Variants in RHCE observed in about 807,000 individuals in gnomAD.
The protein encoded by RHCE is Rh blood group CcEe antigens.
RHCE carries 22 observed loss-of-function variants against 43.8 expected under a neutral mutation model. The ratio of observed to expected loss-of-function variants is 0.50; its 90% confidence interval spans 0.36 to 0.72. The LOEUF is 0.72. Among genes scored for constraint, RHCE ranks in the 30% least tolerant of loss-of-function variants. The pLI, the probability that RHCE is intolerant of heterozygous loss-of-function variation, is 0.00. For missense variants in RHCE, 385 were observed against 525.4 expected (o/e 0.73, Z 2.61); for synonymous variants, 156 against 210.7 (o/e 0.74, Z 2.25).
At chr1:25,404,103 G>A (rs903633588) in intron 2 of RHCE, among the ~76,000 whole-genome samples, 2 of 147,650 alleles carry the variant, frequency 1.4e-5, no homozygotes, top group African/African-American at 5.0e-5. Flanking sequence ...GGGAGGCAGA[G>A]GTTGCAGTCA....
upstream of RHCE, among the ~76,000 whole-genome samples, chr1:25,424,045 C>A (rs1162264274): frequency 6.6e-6 from 1 of 152,172 alleles, no homozygotes; most frequent in Non-Finnish European, 1.5e-5. Context: ...TCCCATCCCA[C>A]CACTCCGTCT....
At chr1:25,429,744 T>C (rs531479905) in intron 1 of RHCE, among the ~76,000 whole-genome samples, 19 of 152,292 alleles carry the variant, frequency 1.2e-4, no homozygotes, top group African/African-American at 4.6e-4. Context: ...TGTATTTGTG[T>C]TAATGTGATG....
chr1:25,412,723 A>AT (rs1270292753), intron 1 of RHCE, among the ~76,000 whole-genome samples: 2 of 148,882 alleles, frequency 1.3e-5, no homozygotes, highest in Admixed American at 1.3e-4. Flanking sequence ...TTTAAAAAAA[A>AT]AAAAAAAAAA....
At chr1:25,387,071 A>C (rs1414125092) in intron 6 of RHCE, among the ~76,000 whole-genome samples, 3 of 152,146 alleles carry the variant, frequency 2.0e-5, no homozygotes, top group Non-Finnish European at 4.4e-5. Flanking sequence ...CAGACCCCTC[A>C]ACTAGCCCAG....
At chr1:25,391,733 G>C (rs545012760) in intron 4 of RHCE, among the ~76,000 whole-genome samples, 2 of 152,190 alleles carry the variant, frequency 1.3e-5, no homozygotes, top group African/African-American at 4.8e-5. Context: ...GAAAACAAAG[G>C]GATTGGATAA....
intron 7 of RHCE, among the ~76,000 whole-genome samples, chr1:25,379,450 A>AT (rs1645888914): frequency 2.7e-5 from 2 of 73,334 alleles, no homozygotes; most frequent in African/African-American, 4.6e-5. Context: ...ATAGCACCAA[A>AT]GTATATATAT....
chr1:25,395,608 A>C (rs1409051407), intron 3 of RHCE, among the ~76,000 whole-genome samples: 2 of 152,042 alleles, frequency 1.3e-5, no homozygotes, highest in African/African-American at 4.8e-5. Flanking sequence ...CACCTAAGAA[A>C]GCTCTGGTGA....
chr1:25,427,388 C>T (rs2124558799), intron 2 of RHCE, among the ~76,000 whole-genome samples: 1 of 152,340 alleles, frequency 6.6e-6, no homozygotes, highest in Middle Eastern at 3.4e-3. Context: ...ACTTCCCTTC[C>T]TTGTTTCACT....
intron 4 of RHCE, among the ~76,000 whole-genome samples, chr1:25,391,712 T>A (rs1458260298): frequency 6.6e-6 from 1 of 152,144 alleles, no homozygotes; most frequent in African/African-American, 2.4e-5. Flanking sequence ...TCCGTTTCCC[T>A]CCTTTCAGTT....
chr1:25,417,596 C>A (rs1287303339), intron 1 of RHCE, among the ~76,000 whole-genome samples: 1 of 152,060 alleles, frequency 6.6e-6, no homozygotes, highest in Admixed American at 6.6e-5. Flanking sequence ...CATCCACTAT[C>A]GTCAACTGTA....
intron 1 of RHCE, among the ~76,000 whole-genome samples, chr1:25,418,375 T>G (rs2042660465): frequency 6.6e-6 from 1 of 151,732 alleles, no homozygotes; most frequent in African/African-American, 2.4e-5. Flanking sequence ...TTTGTTTGGT[T>G]TTTTGAGATG....
At chr1:25,390,532 C>T (rs191315766) in intron 5 of RHCE, among the ~76,000 whole-genome samples, 12 of 152,354 alleles carry the variant, frequency 7.9e-5, no homozygotes, top group Admixed American at 3.9e-4. Flanking sequence ...TAATCACTCC[C>T]CCCAGAAAGC....
Position 25,408,627 on chromosome 1 carries a change from C to T in RHCE, c.335+56G>A. 2 of 1,127,816 alleles carry T rather than the reference C, an allele frequency of 1.8e-6. 1 individual carries two copies. Among genetic ancestry groups the T allele is most frequent in the South Asian group, 4.2e-5 (2 of 48,074 alleles). 69.9% of individuals were successfully genotyped at this position (1,127,816 alleles called of 1,614,324 possible). ...TATCCCAGATCTTCTGGAACCTGTC[C>T]TTTCGGGGTCCATTCCCTCTATGAC... On this transcript the variant is annotated intron_variant, in intron 2 of 9. Transcript: ENST00000294413.
At chr1:25,379,485 ATATATATATATTTTTTTTTTTTTTT>A (rs1291475214) in intron 7 of RHCE, among the ~76,000 whole-genome samples, 2 of 19,496 alleles carry the variant, frequency 1.0e-4, no homozygotes, top group East Asian at 4.5e-3. Context: ...ATATATATAT[ATATATATATATTTTTTTTTTTTTTT>A]TTTTTTTTTT....
intron 7 of RHCE, among the ~76,000 whole-genome samples, chr1:25,380,981 A>C (rs1228071719): frequency 6.9e-6 from 1 of 145,618 alleles, no homozygotes; most frequent in Non-Finnish European, 1.5e-5. Context: ...GGCTCACTGC[A>C]AGCTCTGCCT....
intron 8 of RHCE, among the ~76,000 whole-genome samples, chr1:25,374,155 C>T (rs1367185287): frequency 6.6e-6 from 1 of 151,102 alleles, no homozygotes; most frequent in Non-Finnish European, 1.5e-5. Flanking sequence ...TAGACAGAGT[C>T]TCGGCCCACT....
chr1:25,378,858 A>T (rs573153957), intron 7 of RHCE, among the ~76,000 whole-genome samples: 7 of 152,314 alleles, frequency 4.6e-5, no homozygotes, highest in Non-Finnish European at 8.8e-5. Context: ...AGAAAATGCC[A>T]CTCAGTCACC....
chr1:25,411,017 A>AG (rs1647057076), intron 1 of RHCE, among the ~76,000 whole-genome samples: 1 of 152,108 alleles, frequency 6.6e-6, no homozygotes, highest in East Asian at 1.9e-4. Context: ...GCTTGAACCC[A>AG]GGAGGCGGAG....
chr1:25,384,093 G>A (rs1646078738), intron 7 of RHCE, among the ~76,000 whole-genome samples: 1 of 150,566 alleles, frequency 6.6e-6, no homozygotes. Context: ...GTAGGTCTGG[G>A]GTGGGGCCGT....
Sources: gnomAD v4.1 joint callset for allele counts (sites outside exome capture counted in the v4.1 genomes callset) on GRCh38, gnomAD v4.1.1 for gene constraint, MANE v1.5 for transcripts, NCBI Gene and HGNC (gene_info 2026-07-23, HGNC 2026-07-21) for gene names.